SYNPO2: variants seen among roughly 807,000 people sequenced by gnomAD.
SYNPO2 encodes synaptopodin 2, also known as synaptopodin-2.
In SYNPO2, 56 loss-of-function variants were observed where a neutral mutation model predicts 85.0. That is an observed-to-expected ratio of 0.66 (90% CI 0.53 to 0.82). The LOEUF is 0.82. Among genes scored for constraint, SYNPO2 ranks in the 40% least tolerant of loss-of-function variants. SYNPO2 has a pLI of 0.00. For missense variants in SYNPO2, 1,575 were observed against 1,534.2 expected (o/e 1.03, Z -0.44); for synonymous variants, 602 against 591.1 (o/e 1.02, Z -0.27).
chr4:118,990,530 C>A (rs7668342), intron 1 of SYNPO2, among the ~76,000 whole-genome samples: 6,814 of 152,242 alleles, frequency 0.045, 468 homozygotes, highest in African/African-American at 0.15. Flanking sequence ...TCTTACCTTC[C>A]AGACAGAGTG....
intron 1 of SYNPO2, among the ~76,000 whole-genome samples, chr4:118,864,299 G>C (rs1159477776): frequency 2.6e-5 from 4 of 152,126 alleles, no homozygotes; most frequent in African/African-American, 9.7e-5. Context: ...ATTCCATTGT[G>C]GTCGGAGAAG....
intron 1 of SYNPO2, among the ~76,000 whole-genome samples, chr4:119,010,615 CTGCTATG>C (rs527996700): frequency 2.0e-5 from 3 of 152,152 alleles, no homozygotes; most frequent in Admixed American, 6.5e-5. Context: ...GAAGCCTTGC[CTGCTATG>C]TGCTATGTGC....
intron 1 of SYNPO2, among the ~76,000 whole-genome samples, chr4:118,871,922 G>A (rs1239505021): frequency 6.6e-6 from 1 of 152,224 alleles, no homozygotes; most frequent in Non-Finnish European, 1.5e-5. Flanking sequence ...TGAAGGCAGA[G>A]TAGATAGCAA....
At position 118,907,872 on chromosome 4, in the gene SYNPO2, C is replaced by T. The variant is rs572546531; in HGVS notation, c.105+18731C>T. The stretch of plus-strand genomic sequence containing the variant: ...TCAACTCACAATCACTCTTACCTTC[C>T]ATTCCATGAAAAGGAATGGTACTTA... On this transcript the variant is annotated intron_variant, in intron 1 of 4. Coordinates refer to ENST00000307142, the MANE Select transcript of SYNPO2 (RefSeq NM_133477.3). 2.6e-5 allele frequency among the ~76,000 whole-genome samples: 4 copies of T among 152,214 alleles called. No individual in the cohort carries two copies. In the East Asian group the frequency reaches 7.7e-4, roughly 29 times the overall value.
At chr4:119,012,514 G>C (rs758968936) in intron 1 of SYNPO2, among the ~76,000 whole-genome samples, 17 of 151,792 alleles carry the variant, frequency 1.1e-4, no homozygotes, top group Non-Finnish European at 2.1e-4. Context: ...GCCCTGCATG[G>C]ATTAGGTATT....
chr4:118,913,561 G>GTT (rs1423897362), intron 1 of SYNPO2, among the ~76,000 whole-genome samples: 1 of 113,648 alleles, frequency 8.8e-6, no homozygotes, highest in African/African-American at 3.4e-5. Flanking sequence ...TTCATTTATT[G>GTT]TTTGTGTGTG....
At chr4:118,917,200 T>A (rs1464720960) in intron 1 of SYNPO2, among the ~76,000 whole-genome samples, 1 of 152,098 alleles carries the variant, frequency 6.6e-6, no homozygotes, top group South Asian at 2.1e-4. Flanking sequence ...GAGACCAGCC[T>A]GGCCAACATG....
intron 1 of SYNPO2, among the ~76,000 whole-genome samples, chr4:118,987,522 G>C (rs1433869845): frequency 3.9e-5 from 6 of 152,048 alleles, no homozygotes; most frequent in Non-Finnish European, 8.8e-5. Flanking sequence ...AAAGTTCCCT[G>C]GGTGTGGTGG....
rs1312861878 is a variant in SYNPO2, at chr4:119,030,629, A to T, written c.1854A>T (p.Ala618=). The change falls in exon 4 of 5, where the codon GCA becomes GCT. Residue 618 remains alanine (A), a synonymous_variant. Coordinates refer to ENST00000307142, the MANE Select transcript of SYNPO2 (RefSeq NM_133477.3). ...NMTSPIADFP[A]PPPYSAVTPP... Reference sequence around the variant, plus strand: ...CGAGTCCCATTGCTGACTTTCCTGCACCTCCACCTTACTCTGCAGTCACTC... The same window carrying T: ...CGAGTCCCATTGCTGACTTTCCTGCTCCTCCACCTTACTCTGCAGTCACTC... 1 of 1,613,900 alleles carries T rather than the reference A, an allele frequency of 6.2e-7. No individual in the cohort carries two copies. The highest frequency in any genetic ancestry group is 8.5e-7 in the Non-Finnish European group (1 of 1,179,998).
chr4:118,927,589 G>C (rs1243732342), intron 1 of SYNPO2, among the ~76,000 whole-genome samples: 2 of 152,128 alleles, frequency 1.3e-5, no homozygotes, highest in Admixed American at 6.6e-5. Context: ...GAGAGAGAAA[G>C]AGGTATGTGC....
chr4:118,946,257 A>G (rs950819362), intron 1 of SYNPO2, among the ~76,000 whole-genome samples: 3 of 152,198 alleles, frequency 2.0e-5, no homozygotes, highest in African/African-American at 4.8e-5. Context: ...AAAAATGTGT[A>G]TCCTACCGTA....
At chr4:118,884,158 T>C (rs1422336796), upstream of SYNPO2, among the ~76,000 whole-genome samples, 1 of 152,190 alleles carries the variant, frequency 6.6e-6, no homozygotes, top group African/African-American at 2.4e-5. Context: ...TGAGATATTA[T>C]CTTTTTTCTC....
At chr4:119,018,317 G>A (rs1737595233) in intron 1 of SYNPO2, among the ~76,000 whole-genome samples, 3 of 152,124 alleles carry the variant, frequency 2.0e-5, no homozygotes, top group South Asian at 2.1e-4. Context: ...CTGTGTATAT[G>A]TACCGCTTTT....
In SYNPO2 at chr4:119,058,050, TAA is replaced by T; in HGVS notation, c.*117_*118del. 1 of 1,121,244 alleles carries T rather than the reference TAA, an allele frequency of 8.9e-7. No individual in the cohort carries two copies. Among genetic ancestry groups the T allele is most frequent in the Non-Finnish European group, 1.2e-6 (1 of 801,130 alleles). The allele number at this position is 1,121,244 out of a possible 1,614,324, so 69.5% of individuals were successfully genotyped here. On this transcript the variant is annotated 3_prime_UTR_variant, in exon 5 of 5. Coordinates refer to ENST00000307142, the MANE Select transcript of SYNPO2 (RefSeq NM_133477.3). ...CACTTTTGGTCTTGGCTTGTTCTCA[TAA>T]GTCATTTATCTAAGTTTGTGTTTCT...
intron 1 of SYNPO2, among the ~76,000 whole-genome samples, chr4:118,879,142 C>A (rs1000619495): frequency 1.3e-5 from 2 of 152,152 alleles, no homozygotes; most frequent in Non-Finnish European, 2.9e-5. Context: ...AAGAAACTCC[C>A]GACACATCTG....
chr4:119,033,769 G>T, intron 4 of SYNPO2: 1 of 984,722 alleles, frequency 1.0e-6, no homozygotes, highest in Non-Finnish European at 1.2e-6. Flanking sequence ...AATCTTCCTT[G>T]TATGAGCTAT....
chr4:119,034,550 C>T, intron 4 of SYNPO2: 1 of 985,516 alleles, frequency 1.0e-6, no homozygotes, highest in Non-Finnish European at 1.2e-6. Flanking sequence ...GTCAGGCATG[C>T]AGTAAAAGCA....
chr4:119,027,136 C>T lies in SYNPO2; in HGVS notation c.767C>T (p.Ser256Phe). 6.2e-7 allele frequency: 1 copy of T among 1,614,146 alleles called. No homozygotes were observed. The highest frequency in any genetic ancestry group is 8.5e-7 in the Non-Finnish European group (1 of 1,180,040). The change falls in exon 3 of 5, where the codon TCC (serine) becomes TTC (phenylalanine). Residue 256 changes from serine to phenylalanine, a missense_variant. Transcript: ENST00000307142. The part of the protein sequence containing the change: ...TNEKADPFLR[S>F]SKIIQISSGR... ...GAGAAAGCAGACCCTTTCCTGAGGTCCAGCAAGATAATCCAGATCTCCAGT... is the reference window on the plus strand; with the variant it reads ...GAGAAAGCAGACCCTTTCCTGAGGTTCAGCAAGATAATCCAGATCTCCAGT...
chr4:118,879,694 G>T (rs893410008), intron 1 of SYNPO2, among the ~76,000 whole-genome samples: 1 of 152,178 alleles, frequency 6.6e-6, no homozygotes, highest in South Asian at 2.1e-4. Flanking sequence ...ACGAGGGGCT[G>T]CAAAGGTCTT....
Sources: gnomAD v4.1 joint callset for allele counts (sites outside exome capture counted in the v4.1 genomes callset) on GRCh38, gnomAD v4.1.1 for gene constraint, MANE v1.5 for transcripts, NCBI Gene and HGNC (gene_info 2026-07-23, HGNC 2026-07-21) for gene names.